The following ARPP21 variants were observed in gnomAD, a reference collection of about 807,000 sequenced individuals.
ARPP21 encodes the protein cAMP regulated phosphoprotein 21.
Under a neutral mutation model 113.2 loss-of-function variants are expected in ARPP21, and 69 were observed. The observed-to-expected ratio is 0.61, with a 90% CI of 0.50 to 0.74. The LOEUF (loss-of-function observed/expected upper bound fraction) is 0.74. Among genes scored for constraint, ARPP21 ranks in the 30% least tolerant of loss-of-function variants. ARPP21 has a pLI of 0.00. For synonymous variants in ARPP21, 368 were observed against 375.5 expected, an observed-to-expected ratio of 0.98 and a Z score of 0.23; for missense variants, 1,070 against 1,037.4, an observed-to-expected ratio of 1.03 and a Z score of -0.43.
At chr3:35,646,440 A>G (rs1335752912) in intron 1 of ARPP21, among the ~76,000 whole-genome samples, 1 of 152,116 alleles carries the variant, frequency 6.6e-6, no homozygotes, top group Non-Finnish European at 1.5e-5. Context: ...GAGCTTTTGG[A>G]CAGAAAACAA....
At chr3:35,756,923 A>G (rs2095591568) in intron 19 of ARPP21, among the ~76,000 whole-genome samples, 1 of 152,192 alleles carries the variant, frequency 6.6e-6, no homozygotes, top group Non-Finnish European at 1.5e-5. Context: ...AGCTCCAAGT[A>G]GGTTTGCATT....
intron 19 of ARPP21, among the ~76,000 whole-genome samples, chr3:35,781,969 G>C (rs2096535969): frequency 6.6e-6 from 1 of 152,144 alleles, no homozygotes; most frequent in African/African-American, 2.4e-5. Context: ...ATCAATTGCT[G>C]TTGAGCTGTA....
At chr3:35,739,014 G>A (rs545397488) in intron 17 of ARPP21, among the ~76,000 whole-genome samples, 4 of 152,224 alleles carry the variant, frequency 2.6e-5, no homozygotes, top group African/African-American at 9.6e-5. Context: ...CCTTCCTTGT[G>A]TGCAACACCA....
At chr3:35,743,772 T>C (rs2094832482) in intron 18 of ARPP21, 67 bp from the exon 19 acceptor site, 1 of 1,550,456 alleles carries the variant, frequency 6.4e-7, no homozygotes, top group East Asian at 2.2e-5. Flanking sequence ...CGAAAGCATA[T>C]TTTAAGTTTA....
At chr3:35,659,051 G>A (rs1043723267) in intron 1 of ARPP21, among the ~76,000 whole-genome samples, 23 of 152,180 alleles carry the variant, frequency 1.5e-4, no homozygotes, top group African/African-American at 5.5e-4. Context: ...ATTTCACAGC[G>A]GGAACCCCAC....
At chr3:35,734,444 A>G (rs2094205534) in intron 15 of ARPP21, among the ~76,000 whole-genome samples, 2 of 152,216 alleles carry the variant, frequency 1.3e-5, no homozygotes, top group Non-Finnish European at 2.9e-5. Flanking sequence ...AAGTGCCTGG[A>G]AAATGAAGAA....
At chr3:35,641,729 T>G (rs1698145114) in intron 1 of ARPP21, 1 of 152,212 alleles carries the variant, frequency 6.6e-6, no homozygotes, top group Non-Finnish European at 1.5e-5. Flanking sequence ...TGATCCTATA[T>G]TTCCTTTGTT....
At chr3:35,697,382 G>A (rs2084473984) in intron 9 of ARPP21, among the ~76,000 whole-genome samples, 2 of 151,632 alleles carry the variant, frequency 1.3e-5, no homozygotes, top group African/African-American at 2.4e-5. Flanking sequence ...TGAGAAGTGT[G>A]AGCCTGGGTA....
At chr3:35,707,424 C>G in intron 10 of ARPP21, 1 of 496,348 alleles carries the variant, frequency 2.0e-6, no homozygotes, top group Non-Finnish European at 3.9e-6. Context: ...GTCTGTGTAA[C>G]TATGGCAGTC....
At chr3:35,695,027 C>T (rs2083430947) in intron 9 of ARPP21, among the ~76,000 whole-genome samples, 1 of 150,120 alleles carries the variant, frequency 6.7e-6, no homozygotes. Flanking sequence ...TACTCCATTT[C>T]ACTCTTTTTT....
intron 15 of ARPP21, among the ~76,000 whole-genome samples, chr3:35,735,053 C>CT (rs2094255571): frequency 6.6e-6 from 1 of 152,122 alleles, no homozygotes; most frequent in South Asian, 2.1e-4. Flanking sequence ...ATCGTATGTA[C>CT]TTTTTTTCAC....
intron 1 of ARPP21, among the ~76,000 whole-genome samples, chr3:35,674,422 T>G (rs1409277949): frequency 6.6e-6 from 1 of 152,010 alleles, no homozygotes; most frequent in Non-Finnish European, 1.5e-5. Flanking sequence ...AAGTCTGAGA[T>G]CCTGGCTTTT....
chr3:35,793,942 G>A lies in ARPP21; in HGVS notation c.2528G>A (p.Trp843Ter), dbSNP rs772058477. ...TNCASMSNAGWQVKF is the reference protein window; with the variant it reads ...TNCASMSNAG ...TGTGCAAGTATGAGCAATGCTGGTT[G>A]GCAGGTCAAATTCTGAGAGCTCTGG... The change falls in exon 21 of 21, where the codon TGG becomes TAG. Residue 843 changes from tryptophan (W) to a stop codon, truncating the protein, a stop_gained. Transcript: ENST00000684406. LOFTEE classifies it high-confidence loss of function. 1.9e-6 allele frequency: 3 copies of A among 1,613,714 alleles called. No homozygotes were observed. The highest frequency in any genetic ancestry group is 2.5e-6 in the Non-Finnish European group (3 of 1,179,720).
intron 13 of ARPP21, among the ~76,000 whole-genome samples, chr3:35,719,380 T>A (rs766433303): frequency 9.2e-5 from 14 of 152,230 alleles, no homozygotes; most frequent in African/African-American, 1.4e-4. Context: ...GTACAGATTA[T>A]GGCTTAGGAC....
chr3:35,672,658 C>T (rs544170649), intron 1 of ARPP21, among the ~76,000 whole-genome samples: 1 of 152,124 alleles, frequency 6.6e-6, no homozygotes, highest in South Asian at 2.1e-4. Context: ...CAAAAATCCC[C>T]ATGATTGTGG....
At chr3:35,730,631 C>G (rs959346217) in intron 15 of ARPP21, among the ~76,000 whole-genome samples, 1 of 152,150 alleles carries the variant, frequency 6.6e-6, no homozygotes, top group Non-Finnish European at 1.5e-5. Context: ...AGTTTGGTTT[C>G]GATCCTTCCA....
chr3:35,712,544 GT>G (rs2091456380), intron 11 of ARPP21, among the ~76,000 whole-genome samples: 1 of 151,032 alleles, frequency 6.6e-6, no homozygotes, highest in South Asian at 2.1e-4. Context: ...GTGTGTGTGT[GT>G]GTGTGTGTGT....
intron 11 of ARPP21, among the ~76,000 whole-genome samples, chr3:35,713,624 G>C (rs973748097): frequency 3.9e-5 from 6 of 152,078 alleles, no homozygotes; most frequent in South Asian, 2.1e-4. Context: ...GAACCCCTGA[G>C]CTCAGGCGAT....
chr3:35,681,147 G>A (rs2078792914), intron 2 of ARPP21: 1 of 151,788 alleles, frequency 6.6e-6, no homozygotes, highest in African/African-American at 2.4e-5. Flanking sequence ...TCAGTTCGAA[G>A]CCTGGAAATG....
Sources: allele counts gnomAD v4.1 joint callset (sites outside exome capture counted in the v4.1 genomes callset), GRCh38; gene constraint gnomAD v4.1.1; transcripts MANE v1.5; gene names NCBI Gene and HGNC (gene_info 2026-07-23, HGNC 2026-07-21).